Variants in FIGN observed in about 807,000 individuals in gnomAD.
The protein encoded by FIGN is fidgetin, microtubule severing factor.
Under a neutral mutation model 51.3 loss-of-function variants are expected in FIGN, and 11 were observed. The observed-to-expected ratio is 0.21, with a 90% confidence interval of 0.13 to 0.35. The LOEUF (loss-of-function observed/expected upper bound fraction) is 0.35, where lower values mean the gene tolerates loss of function less well. Among genes scored for constraint, FIGN ranks in the 10% least tolerant of loss-of-function variants. FIGN has a pLI of 1.00. For missense variants in FIGN, 857 were observed against 943.6 expected (o/e 0.91, Z 1.20); for synonymous variants, 407 against 363.2 (o/e 1.12, Z -1.37).
At chr2:163,704,591 T>C (rs1477119739) in intron 2 of FIGN, among the ~76,000 whole-genome samples, 1 of 136,362 alleles carries the variant, frequency 7.3e-6, no homozygotes, top group Non-Finnish European at 1.6e-5. Flanking sequence ...TTCCAATCTG[T>C]CAAATGGGAA....
rs542277480 is a variant in FIGN at position 163,732,540 on chromosome 2, C to T, written c.25+2363G>A. The stretch of plus-strand genomic sequence containing the variant: ...GTTCAAAACGTCCATTCCATGTGCA[C>T]CAAGAAGCCAGCCATCACTAAATAT... On this transcript the variant is annotated intron_variant, in intron 2 of 2. Coordinates refer to ENST00000333129, the MANE Select transcript of FIGN (RefSeq NM_018086.4). 2.8e-4 allele frequency among the ~76,000 whole-genome samples: 42 copies of T among 152,238 alleles called. No homozygotes were observed. In the South Asian group the frequency reaches 8.5e-3, roughly 31 times the overall value.
chr2:163,653,906 T>G (rs1370645420), intron 2 of FIGN, among the ~76,000 whole-genome samples: 3 of 152,146 alleles, frequency 2.0e-5, no homozygotes, highest in Non-Finnish European at 4.4e-5. Context: ...CAATAGGATT[T>G]TTTAAAAGAT....
At chr2:163,662,358 T>C (rs1683702504) in intron 2 of FIGN, among the ~76,000 whole-genome samples, 2 of 152,306 alleles carry the variant, frequency 1.3e-5, no homozygotes, top group East Asian at 1.9e-4. Flanking sequence ...ACTTGGCTGC[T>C]GTTAAAAGAA....
chr2:163,650,329 A>C (rs1683451453), intron 2 of FIGN, among the ~76,000 whole-genome samples: 1 of 151,444 alleles, frequency 6.6e-6, no homozygotes, highest in South Asian at 2.1e-4. Flanking sequence ...TATAATATTT[A>C]ACACATAATA....
chr2:163,620,301 G>A (rs116268867), intron 2 of FIGN, among the ~76,000 whole-genome samples: 1,890 of 151,880 alleles, frequency 0.012, 45 homozygotes, highest in African/African-American at 0.042. Flanking sequence ...TCCTTTTTCC[G>A]TATACATTTT....
At chr2:163,644,857 G>A (rs1683358627) in intron 2 of FIGN, among the ~76,000 whole-genome samples, 1 of 152,138 alleles carries the variant, frequency 6.6e-6, no homozygotes, top group Admixed American at 6.6e-5. Flanking sequence ...TAGATGAAAT[G>A]CCCAGAAAAA....
chr2:163,662,442 T>C (rs527948711), intron 2 of FIGN, among the ~76,000 whole-genome samples: 22 of 152,178 alleles, frequency 1.4e-4, no homozygotes, highest in Non-Finnish European at 3.1e-4. Context: ...AAAGAAAAAC[T>C]CATCTTTTGA....
chr2:163,611,434 G>A lies in FIGN; in HGVS notation c.398C>T (p.Ala133Val), dbSNP rs778442875. The change falls in exon 3 of 3, where the codon GCT becomes GTT. Residue 133 changes from alanine (A) to valine (V), a missense_variant. Physicochemically the swap from Ala to Val is moderately conservative, Grantham distance 64. Coordinates refer to ENST00000333129, the MANE Select transcript of FIGN (RefSeq NM_018086.4). ...TGGAGGGAGGGCTGAACTGACTCCA[G>A]CTTTGCTGGCAGTGATAACATCCGG... The part of the protein sequence containing the change: ...CVPDVITASK[A>V]GVSSALPPAD... The A allele has an allele frequency of 1.2e-5, 19 of 1,614,030 alleles. No individual in the cohort carries two copies. The highest frequency in any genetic ancestry group is 1.5e-5 in the Non-Finnish European group (18 of 1,180,032).
At chr2:163,685,658 G>A (rs920209053) in intron 2 of FIGN, among the ~76,000 whole-genome samples, 3 of 152,150 alleles carry the variant, frequency 2.0e-5, no homozygotes, top group Non-Finnish European at 4.4e-5. Flanking sequence ...CAATATTAAC[G>A]ATCTTGCAGT....
intron 2 of FIGN, among the ~76,000 whole-genome samples, chr2:163,645,438 C>A (rs909373362): frequency 2.6e-5 from 4 of 152,056 alleles, no homozygotes; most frequent in African/African-American, 9.7e-5. Context: ...TCACAGTGCC[C>A]AGATATGCCA....
intron 2 of FIGN, among the ~76,000 whole-genome samples, chr2:163,687,878 T>C (rs1429335648): frequency 5.3e-5 from 8 of 152,170 alleles, no homozygotes; most frequent in African/African-American, 1.4e-4. Context: ...AAGACCAACA[T>C]TCCTAAACAA....
intron 2 of FIGN, among the ~76,000 whole-genome samples, chr2:163,706,049 T>C (rs1434667852): frequency 6.6e-6 from 1 of 152,168 alleles, no homozygotes; most frequent in African/African-American, 2.4e-5. Context: ...TGAAGCATCC[T>C]GAACTACATT....
At position 163,610,501 on chromosome 2, in the gene FIGN, C is replaced by T. The variant is rs754461348; in HGVS notation, c.1331G>A (p.Gly444Asp). The change falls in exon 3 of 3, where the codon GGC becomes GAC. Residue 444 changes from glycine (G) to aspartate (D), a missense_variant. Physicochemically the swap from Gly to Asp is moderately conservative, Grantham distance 94. Transcript: ENST00000333129. ...HRQLLSHPMQ[G>D]PGLRAATSSN... is the part of the protein sequence containing the mutation. ...TGAGGTAGCTGCACGGAGTCCAGGG[C>T]CTTGCATTGGGTGAGAGAGGAGCTG... 2 of 1,613,976 alleles carry T rather than the reference C, an allele frequency of 1.2e-6. No individual in the cohort carries two copies. Among genetic ancestry groups the T allele is most frequent in the Non-Finnish European group, 8.5e-7 (1 of 1,180,014 alleles).
At chr2:163,715,756 G>C (rs1684657535) in intron 2 of FIGN, among the ~76,000 whole-genome samples, 1 of 152,176 alleles carries the variant, frequency 6.6e-6, no homozygotes, top group Non-Finnish European at 1.5e-5. Context: ...CAGCATTTCT[G>C]AAAGGACTTT....
At chr2:163,697,161 C>T (rs529582288) in intron 2 of FIGN, among the ~76,000 whole-genome samples, 1 of 133,216 alleles carries the variant, frequency 7.5e-6, no homozygotes, top group Admixed American at 8.7e-5. Flanking sequence ...AGTACAGTGG[C>T]AGGATTTTGA....
intron 2 of FIGN, among the ~76,000 whole-genome samples, chr2:163,629,545 G>A (rs1683110959): frequency 6.6e-6 from 1 of 151,910 alleles, no homozygotes; most frequent in Non-Finnish European, 1.5e-5. Flanking sequence ...AGGATATGGG[G>A]GAAAATCTGA....
chr2:163,627,643 T>C (rs571622472), intron 2 of FIGN, among the ~76,000 whole-genome samples: 1 of 152,112 alleles, frequency 6.6e-6, no homozygotes, highest in Non-Finnish European at 1.5e-5. Context: ...TCCTTCACAC[T>C]GTGAAGGACC....
intron 2 of FIGN, among the ~76,000 whole-genome samples, chr2:163,686,684 C>T (rs1684154462): frequency 6.6e-6 from 1 of 151,964 alleles, no homozygotes; most frequent in Non-Finnish European, 1.5e-5. Context: ...AACAGTATCT[C>T]ATTTACTAGG....
At chr2:163,671,537 C>G (rs1178560217) in intron 2 of FIGN, among the ~76,000 whole-genome samples, 1 of 152,190 alleles carries the variant, frequency 6.6e-6, no homozygotes, top group Non-Finnish European at 1.5e-5. Context: ...AGAGCTACCC[C>G]TCACTGGTCT....
Sources: allele counts gnomAD v4.1 joint callset (sites outside exome capture counted in the v4.1 genomes callset), GRCh38; gene constraint gnomAD v4.1.1; transcripts MANE v1.5; gene names NCBI Gene and HGNC (gene_info 2026-07-23, HGNC 2026-07-21).